The following CFAP20DC variants were observed in gnomAD, a reference collection of about 807,000 sequenced individuals.
CFAP20DC encodes protein CFAP20DC.
CFAP20DC carries 84 observed loss-of-function variants against 101.7 expected under a neutral mutation model. The ratio of observed to expected loss-of-function variants is 0.83; its 90% CI spans 0.69 to 0.99. The LOEUF (loss-of-function observed/expected upper bound fraction) is 0.99, where lower values mean the gene tolerates loss of function less well. Ranked by LOEUF, CFAP20DC falls within the 50% of genes least tolerant of loss-of-function variation. CFAP20DC has a pLI of 0.00. For missense variants in CFAP20DC, 1,007 were observed against 970.3 expected (o/e 1.04, Z -0.50); for synonymous variants, 359 against 351.2 (o/e 1.02, Z -0.25).
chr3:58,758,378 C>T (rs746417613), intron 15 of CFAP20DC, among the ~76,000 whole-genome samples: 7 of 152,010 alleles, frequency 4.6e-5, no homozygotes, highest in Non-Finnish European at 8.8e-5. Context: ...TCACCACATG[C>T]CAGTCTTAGC....
At chr3:58,950,957 A>G (rs1642397349) in intron 4 of CFAP20DC, among the ~76,000 whole-genome samples, 1 of 152,208 alleles carries the variant, frequency 6.6e-6, no homozygotes, top group Non-Finnish European at 1.5e-5. Context: ...AGAAACTACC[A>G]TCAGAGTGAA....
At chr3:58,718,084 C>A (rs1224025921) in intron 3 of CFAP20DC, among the ~76,000 whole-genome samples, 2 of 152,138 alleles carry the variant, frequency 1.3e-5, no homozygotes, top group African/African-American at 4.8e-5. Flanking sequence ...TTGTGCCTGG[C>A]CTGGTTAGGT....
chr3:58,991,327 C>A (rs1056887947), intron 4 of CFAP20DC, among the ~76,000 whole-genome samples: 5 of 152,100 alleles, frequency 3.3e-5, no homozygotes, highest in Admixed American at 2.6e-4. Flanking sequence ...CTTACCTCCT[C>A]CTAGGAAATT....
intron 15 of CFAP20DC, among the ~76,000 whole-genome samples, chr3:58,770,106 C>A (rs1174534565): frequency 6.6e-6 from 1 of 152,184 alleles, no homozygotes; most frequent in Non-Finnish European, 1.5e-5. Context: ...AATGACAAAG[C>A]ATCTTGGGAC....
At chr3:58,811,003 T>C (rs935199663) in intron 14 of CFAP20DC, among the ~76,000 whole-genome samples, 1 of 152,120 alleles carries the variant, frequency 6.6e-6, no homozygotes, top group African/African-American at 2.4e-5. Context: ...ACAAGGGATG[T>C]GAAGGACCTC....
At chr3:58,744,109 T>G (rs892932288) in intron 16 of CFAP20DC, among the ~76,000 whole-genome samples, 1 of 152,248 alleles carries the variant, frequency 6.6e-6, no homozygotes, top group South Asian at 2.1e-4. Flanking sequence ...CTGCCTTGGT[T>G]GCTAATACCT....
intron 4 of CFAP20DC, among the ~76,000 whole-genome samples, chr3:59,027,881 G>T (rs1280245484): frequency 2.0e-5 from 3 of 152,122 alleles, no homozygotes; most frequent in African/African-American, 7.2e-5. Context: ...TAAAATAAAT[G>T]TTAAAACCTG....
chr3:58,968,592 T>C (rs1040878002), intron 4 of CFAP20DC, among the ~76,000 whole-genome samples: 35 of 152,212 alleles, frequency 2.3e-4, no homozygotes, highest in African/African-American at 7.7e-4. Flanking sequence ...AAGTTCCTTA[T>C]ATATTCTGGA....
At chr3:58,931,117 A>C (rs552056795) in intron 5 of CFAP20DC, among the ~76,000 whole-genome samples, 1 of 152,180 alleles carries the variant, frequency 6.6e-6, no homozygotes, top group African/African-American at 2.4e-5. Flanking sequence ...CCAGGAGATT[A>C]TATCACACAC....
intron 4 of CFAP20DC, among the ~76,000 whole-genome samples, chr3:58,957,897 C>G (rs1048988779): frequency 5.9e-5 from 9 of 151,370 alleles, no homozygotes; most frequent in Non-Finnish European, 1.2e-4. Context: ...TAATGATTAC[C>G]AAAAAAATAG....
At chr3:59,017,559 G>C (rs544633771) in intron 4 of CFAP20DC, 1 of 152,024 alleles carries the variant, frequency 6.6e-6, no homozygotes. Flanking sequence ...TTCCATCACC[G>C]AGCTGAGGAG....
intron 12 of CFAP20DC, among the ~76,000 whole-genome samples, chr3:58,853,312 T>A (rs2078431095): frequency 6.6e-6 from 1 of 152,096 alleles, no homozygotes; most frequent in Non-Finnish European, 1.5e-5. Context: ...AATAGACCAA[T>A]AACAGGCTCT....
chr3:58,809,131 C>A (rs543278466), intron 14 of CFAP20DC, among the ~76,000 whole-genome samples: 2 of 151,952 alleles, frequency 1.3e-5, no homozygotes, highest in Admixed American at 6.6e-5. Context: ...CTTTAGCACC[C>A]CACTGTCAAC....
chr3:58,891,936 C>A (rs925551853), intron 6 of CFAP20DC, among the ~76,000 whole-genome samples: 2 of 152,032 alleles, frequency 1.3e-5, no homozygotes, highest in African/African-American at 4.8e-5. Flanking sequence ...CCTGAATACC[C>A]AGATTTTCTT....
intron 14 of CFAP20DC, among the ~76,000 whole-genome samples, chr3:58,807,730 T>C (rs571347116): frequency 8.5e-5 from 13 of 152,278 alleles, no homozygotes; most frequent in African/African-American, 7.2e-5. Context: ...CTTTGACGAG[T>C]TGCGAGAAGA....
intron 13 of CFAP20DC, among the ~76,000 whole-genome samples, chr3:58,846,261 A>C (rs62252042): frequency 6.7e-6 from 1 of 149,474 alleles, no homozygotes; most frequent in African/African-American, 2.5e-5. Flanking sequence ...ATATCTAGAA[A>C]ATCCCATTGT....
In CFAP20DC at chr3:58,804,678, T is replaced by C. The variant is rs146451582; in HGVS notation, c.2237+1717A>G. On this transcript the variant is annotated intron_variant, in intron 15 of 16. Transcript: ENST00000482387. ...ATGCCTGGCCCAAATTCTTAACTTG[T>C]TATAATTTGGACCACAGTTGGATTT... Among the ~76,000 whole-genome samples the C allele has an allele frequency of 5.3e-5, 8 of 152,328 alleles. No homozygotes were observed. The East Asian group carries it at 1.5e-3, about 29-fold the overall frequency.
At chr3:58,837,976 T>C (rs1191015547) in intron 13 of CFAP20DC, among the ~76,000 whole-genome samples, 1 of 152,162 alleles carries the variant, frequency 6.6e-6, no homozygotes, top group Non-Finnish European at 1.5e-5. Context: ...CTAGCATTCC[T>C]GAAAACTTGT....
At chr3:58,827,340 C>G (rs1195516773) in intron 14 of CFAP20DC, among the ~76,000 whole-genome samples, 3 of 147,764 alleles carry the variant, frequency 2.0e-5, no homozygotes, top group African/African-American at 7.5e-5. Flanking sequence ...ATGGCCTGAT[C>G]TGAACACAGG....
Sources: allele counts gnomAD v4.1 joint callset (sites outside exome capture counted in the v4.1 genomes callset), GRCh38; gene constraint gnomAD v4.1.1; transcripts MANE v1.5; gene names NCBI Gene and HGNC (gene_info 2026-07-23, HGNC 2026-07-21).